Variants in CSMD2 observed in about 807,000 individuals in gnomAD.
CSMD2 encodes the protein CUB and sushi domain-containing protein 2.
A neutral mutation model predicts 398.5 loss-of-function variants in CSMD2; 130 were observed. That is an observed-to-expected ratio of 0.33 (90% confidence interval 0.28 to 0.38). The LOEUF (loss-of-function observed/expected upper bound fraction) is 0.38. CSMD2 is among the 10% of genes least tolerant of loss of function. The pLI is 1.00. For synonymous variants in CSMD2, 1,828 were observed against 1,908.5 expected (o/e 0.96, Z 1.10); for missense variants, 3,829 against 4,764.9 (o/e 0.80, Z 5.78).
At chr1:34,157,842 T>C (rs1357795780) in intron 1 of CSMD2, among the ~76,000 whole-genome samples, 1 of 152,142 alleles carries the variant, frequency 6.6e-6, no homozygotes, top group African/African-American at 2.4e-5. Flanking sequence ...CACCCCATCA[T>C]GTTCCACTCC....
At chr1:34,139,139 G>A (rs778248604) in intron 1 of CSMD2, among the ~76,000 whole-genome samples, 64 of 152,290 alleles carry the variant, frequency 4.2e-4, no homozygotes, top group Middle Eastern at 3.4e-3. Context: ...AATCCCCAAA[G>A]TGGCAGTATT....
rs369817048 is a variant in CSMD2, at chr1:34,122,115, C to CA, written c.188-32923_188-32922insT. Among the ~76,000 whole-genome samples the CA allele has an allele frequency of 1.8e-3, 272 of 151,874 alleles. 1 individual carries two copies. The highest frequency in any genetic ancestry group is 6.2e-3 in the African/African-American group (256 of 41,378). On this transcript the variant is annotated intron_variant, in intron 1 of 70. Coordinates refer to ENST00000373381, the MANE Select transcript of CSMD2 (RefSeq NM_001281956.2). ...CTAAATTTGGGGGCGATTTTGTTCC[C>CA]GGGGATATCTGGCAACGTCTGGAGA...
chr1:33,881,754 A>G (rs1396436010), intron 5 of CSMD2, among the ~76,000 whole-genome samples: 1 of 152,254 alleles, frequency 6.6e-6, no homozygotes, highest in African/African-American at 2.4e-5. Context: ...AGCTTATTAT[A>G]AAACTTAGAA....
rs1396307911 is a variant in CSMD2, at chr1:33,533,379, C to T, written c.9992-150G>A. ...GCATCCCCCTCCCTAATCCTCCACC[C>T]TAACCCAAGCTCTGTGTCTAGAGGA... On this transcript the variant is annotated intron_variant, in intron 63 of 70. Transcript: ENST00000373381. This position sits in a 1 kb window ranked among gnomAD's most constrained non-coding sequence, Gnocchi z 4.2. 2.8e-6 allele frequency: 2 copies of T among 721,434 alleles called. No individual in the cohort carries two copies. Among genetic ancestry groups the T allele is most frequent in the African/African-American group, 3.6e-5 (2 of 55,878 alleles). The allele number at this position is 721,434 out of a possible 1,614,324, so 44.7% of individuals were successfully genotyped here. A position where few individuals can be genotyped will look rare whatever the true frequency, so the allele number is the denominator to read the frequency against.
rs373949836 is a variant in CSMD2, at chr1:33,730,907, C to T, written c.2369-4222G>A. Among the ~76,000 whole-genome samples the T allele has an allele frequency of 5.3e-5, 8 of 152,218 alleles. No homozygotes were observed. In the South Asian group the frequency reaches 1.0e-3, roughly 20 times the overall value. On this transcript the variant is annotated intron_variant, in intron 15 of 70. Transcript: ENST00000373381. ...CATTGAAAAGGCTTAGAAACAGGAA[C>T]GAAGTCAATAATAAAAAGTACCCCT...
chr1:33,709,489 T>C, intron 21 of CSMD2: 11 of 529,868 alleles, frequency 2.1e-5, no homozygotes. Context: ...TCTCTTGTGC[T>C]GTTTGTCTGT....
chr1:33,985,479 AG>A (rs1410542647), intron 3 of CSMD2, among the ~76,000 whole-genome samples: 2 of 152,186 alleles, frequency 1.3e-5, no homozygotes, highest in African/African-American at 4.8e-5. Context: ...GAGAGGTGGA[AG>A]TGGTCCATCT....
chr1:33,709,412 C>T (rs948711076), intron 21 of CSMD2, 154 bp from the exon 22 acceptor site: 4 of 598,802 alleles, frequency 6.7e-6, no homozygotes, highest in Non-Finnish European at 1.2e-5. Flanking sequence ...GGACTGTCTA[C>T]AGAAATGCCT....
At chr1:33,864,150 T>C (rs376031730) in intron 5 of CSMD2, 2 of 1,535,438 alleles carry the variant, frequency 1.3e-6, no homozygotes, top group Non-Finnish European at 1.8e-6. Context: ...CAGTCTCTCC[T>C]GTCCACGTTA....
chr1:34,068,980 G>T (rs755638978), intron 2 of CSMD2, among the ~76,000 whole-genome samples: 1 of 152,140 alleles, frequency 6.6e-6, no homozygotes, highest in African/African-American at 2.4e-5. Context: ...TTTGTAAATT[G>T]CCCAGTCTTA....
chr1:34,016,811 G>GA (rs748876675), intron 3 of CSMD2, among the ~76,000 whole-genome samples: 84 of 152,186 alleles, frequency 5.5e-4, no homozygotes, highest in Non-Finnish European at 8.8e-4. Context: ...TAGACAGATA[G>GA]AATGATTGTA....
intron 56 of CSMD2, among the ~76,000 whole-genome samples, chr1:33,546,755 CT>C (rs899856151): frequency 6.6e-6 from 1 of 151,526 alleles, no homozygotes; most frequent in Non-Finnish European, 1.5e-5. Context: ...AAATTTTTTC[CT>C]GCAGAAACAT....
chr1:34,028,190 G>A (rs529431083), intron 3 of CSMD2, among the ~76,000 whole-genome samples: 15 of 152,098 alleles, frequency 9.9e-5, no homozygotes, highest in East Asian at 9.7e-4. Context: ...CTGTGGTGGC[G>A]CGTGTCTGCG....
At chr1:33,680,849 A>G (rs1644885055) in intron 25 of CSMD2, among the ~76,000 whole-genome samples, 1 of 147,528 alleles carries the variant, frequency 6.8e-6, no homozygotes, top group Non-Finnish European at 1.5e-5. Flanking sequence ...TTTGGGGGTT[A>G]TCTGTTATAT....
intron 3 of CSMD2, among the ~76,000 whole-genome samples, chr1:34,008,547 T>G (rs10914837): frequency 0.085 from 12,984 of 152,192 alleles, 1,092 homozygotes; most frequent in East Asian, 0.39. Context: ...GGTCTCTAGT[T>G]TTCTGCCTCA....
At chr1:34,095,519 TAA>T (rs1461130988) in intron 1 of CSMD2, among the ~76,000 whole-genome samples, 25 of 151,382 alleles carry the variant, frequency 1.7e-4, no homozygotes, top group African/African-American at 5.8e-4. Context: ...CTAGCAAGAC[TAA>T]TAAAGAAAAA....
At chr1:34,008,849 G>A (rs1252858686) in intron 3 of CSMD2, among the ~76,000 whole-genome samples, 1 of 152,164 alleles carries the variant, frequency 6.6e-6, no homozygotes, top group Non-Finnish European at 1.5e-5. Flanking sequence ...TTTGCATACA[G>A]TGGGTGCACC....
chr1:33,686,315 T>C (rs1015307029), intron 25 of CSMD2, among the ~76,000 whole-genome samples: 1 of 152,210 alleles, frequency 6.6e-6, no homozygotes, highest in African/African-American at 2.4e-5. Context: ...AGGATGAAAC[T>C]TCTGTGTTCT....
At chr1:34,160,516 G>A (rs752442820) in intron 1 of CSMD2, among the ~76,000 whole-genome samples, 6 of 152,074 alleles carry the variant, frequency 3.9e-5, no homozygotes, top group Non-Finnish European at 8.8e-5. Context: ...TATTACCTCT[G>A]CAAACCAGCT....
Sources: allele counts gnomAD v4.1 joint callset (sites outside exome capture counted in the v4.1 genomes callset), GRCh38; gene constraint gnomAD v4.1.1; non-coding constraint Gnocchi (gnomAD v3.1); transcripts MANE v1.5; gene names NCBI Gene and HGNC (gene_info 2026-07-23, HGNC 2026-07-21).